The following PCDHA7 variants were observed in gnomAD, a reference collection of about 807,000 sequenced individuals.
PCDHA7 encodes protocadherin alpha-7.
Under a neutral mutation model 57.2 loss-of-function variants are expected in PCDHA7, and 37 were observed. That is an observed-to-expected ratio of 0.65 (90% CI 0.50 to 0.85). PCDHA7 has a LOEUF of 0.85. PCDHA7 is among the 40% of genes least tolerant of loss of function. The pLI is 0.00. For synonymous variants in PCDHA7, 553 were observed against 558.8 expected, an observed-to-expected ratio of 0.99 and a Z score of 0.15; for missense variants, 1,188 against 1,241.8, an observed-to-expected ratio of 0.96 and a Z score of 0.65.
At chr5:140,968,665 T>C (rs782078145) in intron 1 of PCDHA7, 4 of 1,614,042 alleles carry the variant, frequency 2.5e-6, no homozygotes, top group Non-Finnish European at 3.4e-6. Context: ...TGGACCTCTT[T>C]AAGGTAGAGC....
chr5:140,928,219 C>T (rs2153594773), intron 1 of PCDHA7: 1 of 1,614,166 alleles, frequency 6.2e-7, no homozygotes, highest in African/African-American at 1.3e-5. Flanking sequence ...TGACAATACA[C>T]CAAACTTTCC....
At chr5:140,968,036 A>T in intron 1 of PCDHA7, 1 of 1,614,160 alleles carries the variant, frequency 6.2e-7, no homozygotes, top group Non-Finnish European at 8.5e-7. Context: ...ACTGGTGGTG[A>T]GCGGCCCACT....
chr5:140,967,727 G>A, intron 1 of PCDHA7: 1 of 1,614,148 alleles, frequency 6.2e-7, no homozygotes. Context: ...GCGAGTAATT[G>A]GGGGGCTGGA....
intron 1 of PCDHA7, among the ~76,000 whole-genome samples, chr5:140,925,577 C>T (rs931426226): frequency 2.6e-5 from 4 of 151,714 alleles, no homozygotes; most frequent in Non-Finnish European, 5.9e-5. Context: ...AGCACACCAA[C>T]ATGGCGCATG....
At chr5:140,900,439 G>A (rs1348507716) in intron 1 of PCDHA7, among the ~76,000 whole-genome samples, 1 of 152,242 alleles carries the variant, frequency 6.6e-6, no homozygotes, top group East Asian at 1.9e-4. Context: ...CACCACGGCC[G>A]GCTAATTTTT....
chr5:140,892,595 AT>A (rs1385818954), intron 1 of PCDHA7, among the ~76,000 whole-genome samples: 1 of 151,958 alleles, frequency 6.6e-6, no homozygotes, highest in African/African-American at 2.4e-5. Flanking sequence ...TCATTCACCT[AT>A]TTTTTTCCTT....
intron 1 of PCDHA7, among the ~76,000 whole-genome samples, chr5:140,975,937 A>C (rs2096690423): frequency 1.3e-5 from 2 of 152,194 alleles, no homozygotes; most frequent in South Asian, 2.1e-4. Context: ...CTTTGAAGCA[A>C]TAGGACATAT....
chr5:140,939,863 G>C (rs2092478768), intron 1 of PCDHA7, among the ~76,000 whole-genome samples: 1 of 152,064 alleles, frequency 6.6e-6, no homozygotes, highest in Non-Finnish European at 1.5e-5. Flanking sequence ...ATGTCCATTA[G>C]GTCATCTTTG....
At position 140,879,168 on chromosome 5, in the gene PCDHA7, A is replaced by G. The variant is rs2057882676; in HGVS notation, c.2355+42430A>G. Among the ~76,000 whole-genome samples, 5 of 152,334 alleles carry G rather than the reference A, an allele frequency of 3.3e-5. 1 individual carries two copies. Among genetic ancestry groups the G allele is most frequent in the Admixed American group, 6.5e-5 (1 of 15,308 alleles). On this transcript the variant is annotated intron_variant, in intron 1 of 3. Coordinates refer to ENST00000525929, the MANE Select transcript of PCDHA7 (RefSeq NM_018910.3). ...AGGAAAGCTATTTCTTTTTTAATAAATTAGGTATCAAGTAATGGAGACTTA... is the reference window on the plus strand; with the variant it reads ...AGGAAAGCTATTTCTTTTTTAATAAGTTAGGTATCAAGTAATGGAGACTTA...
At position 140,982,360 on chromosome 5, in the gene PCDHA7, A is replaced by G. The variant is rs1016027722; in HGVS notation, c.2415-115A>G. 59 of 1,527,040 alleles carry G rather than the reference A, an allele frequency of 3.9e-5. No individual in the cohort carries two copies. In the Admixed American group the frequency reaches 8.5e-4, roughly 22 times the overall value. 94.6% of individuals were successfully genotyped at this position (1,527,040 alleles called of 1,614,324 possible). ...TAATTGCTTCAGTTCAAGCATGAGC[A>G]GAATGTGTTAGCTGCAGCCCTGGCT... On this transcript the variant is annotated intron_variant, in intron 2 of 3. Coordinates refer to ENST00000525929, the MANE Select transcript of PCDHA7 (RefSeq NM_018910.3).
At chr5:140,843,511 C>CG in intron 1 of PCDHA7, 2 of 1,595,670 alleles carry the variant, frequency 1.3e-6, no homozygotes, top group Non-Finnish European at 1.7e-6. Flanking sequence ...CCACTGAGGG[C>CG]GGGTGCCGGG....
intron 1 of PCDHA7, among the ~76,000 whole-genome samples, chr5:140,913,536 C>A (rs949214910): frequency 4.6e-5 from 7 of 151,882 alleles, no homozygotes; most frequent in Non-Finnish European, 8.8e-5. Context: ...AAAAGATTGA[C>A]TTTTTGTTTT....
rs782085408 is a variant in PCDHA7, at chr5:140,870,885, C to A, written c.2355+34147C>A. On this transcript the variant is annotated intron_variant, in intron 1 of 3. Coordinates refer to ENST00000525929, the MANE Select transcript of PCDHA7 (RefSeq NM_018910.3). ...CGGGCCACGTGGTGGCGAAGGTGCG[C>A]GCAGTGGATGCGGACTCAGGCTACA... 5 of 1,613,800 alleles carry A rather than the reference C, an allele frequency of 3.1e-6. No individual in the cohort carries two copies. The African/African-American group carries it at 5.3e-5, about 17-fold the overall frequency.
chr5:140,863,521 G>T, intron 1 of PCDHA7: 1 of 397,734 alleles, frequency 2.5e-6, no homozygotes, highest in Non-Finnish European at 4.9e-6. Context: ...GTTCTCCCAT[G>T]GTTCAGATTT....
intron 3 of PCDHA7, among the ~76,000 whole-genome samples, chr5:140,996,297 T>TGTAACAAAGTAAGGGG (rs2097720569): frequency 6.6e-6 from 1 of 152,196 alleles, no homozygotes; most frequent in Non-Finnish European, 1.5e-5. Context: ...AAGCACAGAT[T>TGTAACAAAGTAAGGGG]GTAACAAAGT....
intron 1 of PCDHA7, among the ~76,000 whole-genome samples, chr5:140,885,674 C>A (rs1041500524): frequency 2.1e-4 from 32 of 152,192 alleles, no homozygotes; most frequent in African/African-American, 7.0e-4. Flanking sequence ...AGCACTCTTT[C>A]TATCTCAAGA....
At chr5:140,924,907 A>AT (rs1242980267) in intron 1 of PCDHA7, among the ~76,000 whole-genome samples, 3,369 of 50,932 alleles carry the variant, frequency 0.066, 44 homozygotes, top group African/African-American at 0.099. Context: ...AAAAAAAAAT[A>AT]AAATAAAATA....
At chr5:140,883,907 A>G (rs2059882679) in intron 1 of PCDHA7, 1 of 1,613,358 alleles carries the variant, frequency 6.2e-7, no homozygotes, top group African/African-American at 1.3e-5. Context: ...GCCTCTGGGC[A>G]GCAACGTGAC....
intron 1 of PCDHA7, chr5:140,877,232 C>A: frequency 6.2e-6 from 10 of 1,613,680 alleles, no homozygotes; most frequent in Non-Finnish European, 7.6e-6. Context: ...TCGGTGGGTG[C>A]GGGCCACGTG....
Sources: gnomAD v4.1 joint callset for allele counts (sites outside exome capture counted in the v4.1 genomes callset) on GRCh38, gnomAD v4.1.1 for gene constraint, MANE v1.5 for transcripts, NCBI Gene and HGNC (gene_info 2026-07-23, HGNC 2026-07-21) for gene names.